HEXA: variants seen among roughly 807,000 people sequenced by gnomAD.
HEXA encodes beta-hexosaminidase subunit alpha.
A neutral mutation model predicts 73.3 loss-of-function variants in HEXA; 54 were observed. The ratio of observed to expected loss-of-function variants is 0.74; its 90% CI spans 0.59 to 0.92. The LOEUF is 0.92. Among genes scored for constraint, HEXA ranks in the 40% least tolerant of loss-of-function variants. The pLI, the probability that HEXA is intolerant of heterozygous loss-of-function variation, is 0.00. For synonymous variants in HEXA, 230 were observed against 246.9 expected (o/e 0.93, Z 0.64); for missense variants, 649 against 653.0 (o/e 0.99, Z 0.07).
intron 1 of HEXA, among the ~76,000 whole-genome samples, chr15:72,361,228 C>T (rs2088849516): frequency 6.6e-6 from 1 of 152,230 alleles, no homozygotes; most frequent in East Asian, 1.9e-4. Context: ...TCTGGGACCT[C>T]TTGACAGCAT....
intron 1 of HEXA, chr15:72,358,271 A>G (rs148336508): frequency 6.6e-6 from 1 of 152,316 alleles, no homozygotes; most frequent in East Asian, 1.9e-4. Flanking sequence ...CCAGGCAGCC[A>G]TCCAAAAGAC....
At chr15:72,373,892 G>C (rs183301084) in intron 1 of HEXA, among the ~76,000 whole-genome samples, 1 of 151,994 alleles carries the variant, frequency 6.6e-6, no homozygotes, top group East Asian at 1.9e-4. Flanking sequence ...CCACCTACTC[G>C]GGAGGCTGAG....
intron 1 of HEXA, among the ~76,000 whole-genome samples, chr15:72,375,062 TTTTTG>T (rs199673103): frequency 6.7e-6 from 1 of 148,190 alleles, no homozygotes; most frequent in Non-Finnish European, 1.5e-5. Flanking sequence ...ATTTACACTT[TTTTTG>T]TTTTGTTTTG....
chr15:72,340,966 A>G lies in HEXA; in HGVS notation c.*3111T>C, dbSNP rs1419260426. On this transcript the variant is annotated 3_prime_UTR_variant, in exon 14 of 14. Coordinates refer to ENST00000268097, the MANE Select transcript of HEXA (RefSeq NM_000520.6). Reference sequence around the variant, plus strand: ...TATTTCAAAGTTTATTTATAAAGGAAATACAAATTTTGATAAACAAAGCAC... The same window carrying G: ...TATTTCAAAGTTTATTTATAAAGGAGATACAAATTTTGATAAACAAAGCAC... The G allele has an allele frequency of 1.3e-5, 2 of 152,094 alleles. No homozygotes were observed. The highest frequency in any genetic ancestry group is 2.9e-5 in the Non-Finnish European group (2 of 68,018). The allele number at this position is 152,094 out of a possible 1,614,324, so 9.4% of individuals were successfully genotyped here. A position where few individuals can be genotyped will look rare whatever the true frequency, so the allele number is the denominator to read the frequency against.
chr15:72,351,574 T>G, intron 5 of HEXA: 3 of 391,932 alleles, frequency 7.7e-6, no homozygotes, highest in Admixed American at 3.8e-5. Flanking sequence ...AGATCAATAC[T>G]TCCTCTTGCC....
chr15:72,343,967 G>A lies in HEXA; in HGVS notation c.*110C>T, dbSNP rs1418617610. The A allele has an allele frequency of 1.0e-5, 9 of 869,108 alleles. No homozygotes were observed. Among genetic ancestry groups the A allele is most frequent in the African/African-American group, 9.9e-5 (6 of 60,358 alleles). 53.8% of individuals were successfully genotyped at this position (869,108 alleles called of 1,614,324 possible). A position where few individuals can be genotyped will look rare whatever the true frequency, so the allele number is the denominator to read the frequency against. ...CCTTTCTCTCCAAGCACAGGGGCAC[G>A]CAGGCAAGGGGCACGAAGGCAAGGG... On this transcript the variant is annotated 3_prime_UTR_variant, in exon 14 of 14. Transcript: ENST00000268097.
intron 13 of HEXA, among the ~76,000 whole-genome samples, chr15:72,344,433 C>A (rs903419002): frequency 6.6e-5 from 10 of 152,110 alleles, no homozygotes; most frequent in African/African-American, 2.2e-4. Flanking sequence ...GTACCCTAAC[C>A]CCAAATAACT....
At chr15:72,364,616 A>G (rs924528777) in intron 1 of HEXA, among the ~76,000 whole-genome samples, 1 of 152,148 alleles carries the variant, frequency 6.6e-6, no homozygotes, top group African/African-American at 2.4e-5. Context: ...ACAGGTAAGA[A>G]AAGTTTTGGT....
chr15:72,350,643 T>C lies in HEXA; in HGVS notation c.680A>G (p.Tyr227Cys). The C allele has an allele frequency of 6.2e-7, 1 of 1,613,972 alleles. No homozygotes were observed. Among genetic ancestry groups the C allele is most frequent in the Admixed American group, 1.7e-5 (1 of 59,996 alleles). The change falls in exon 7 of 14, where the codon TAC becomes TGC. Residue 227 changes from tyrosine (Y) to cysteine (C), a missense_variant. Tyr to Cys is a radical substitution (Grantham distance 194). Transcript: ENST00000268097. ...TGTGTAGATGTGGGTGACAGGGTTG[T>C]AGGACCCCTGAAAGGCACAAGACAC... is the stretch of plus-strand genomic sequence containing the variant. ...TFPELMRKGS[Y>C]NPVTHIYTAQ...
chr15:72,368,652 G>C (rs920188067), intron 1 of HEXA, among the ~76,000 whole-genome samples: 3 of 152,214 alleles, frequency 2.0e-5, no homozygotes, highest in African/African-American at 7.2e-5. Context: ...CCACACTCTA[G>C]GAGCAGCTTC....
rs1555475519 is a variant in HEXA, at chr15:72,375,901, C to T, written c.72G>A (p.Trp24Ter). ...AGGTTTGGAAGTTCTGAGGCCAGGG[C>T]CAGAGGGCCGTCGCCCGTCCTGCGA... ...AAFAGRATAL[W>*]PWPQNFQTSD... is the part of the protein sequence containing the mutation. Residue 24 changes from tryptophan (W) to a stop codon, truncating the protein, a stop_gained, in exon 1 of 14, where the codon TGG becomes TGA. Coordinates refer to ENST00000268097, the MANE Select transcript of HEXA (RefSeq NM_000520.6). LOFTEE classifies it high-confidence loss of function. 6.2e-7 allele frequency: 1 copy of T among 1,614,096 alleles called. No individual in the cohort carries two copies. Among genetic ancestry groups the T allele is most frequent in the African/African-American group, 1.3e-5 (1 of 74,948 alleles).
At chr15:72,354,752 G>C (rs1480194367) in intron 3 of HEXA, 1 of 152,334 alleles carries the variant, frequency 6.6e-6, no homozygotes, top group Non-Finnish European at 1.5e-5. Context: ...AATTCCGAGA[G>C]AGTTTCCCAC....
At chr15:72,360,620 T>C (rs2088840790) in intron 1 of HEXA, among the ~76,000 whole-genome samples, 1 of 152,234 alleles carries the variant, frequency 6.6e-6, no homozygotes, top group Non-Finnish European at 1.5e-5. Context: ...ATTAAAATGT[T>C]TGCAATCTTC....
At position 72,345,449 on chromosome 15, in the gene HEXA, A is replaced by C; in HGVS notation, c.1523T>G (p.Leu508Arg). The C allele has an allele frequency of 6.2e-7, 1 of 1,614,184 alleles. No homozygotes were observed. The highest frequency in any genetic ancestry group is 1.1e-5 in the South Asian group (1 of 91,088). The stretch of plus-strand genomic sequence containing the variant: ...GAAGGCCCCACAGCTTGCTTACCTC[A>C]GCAATTCACAGCGGAAGTGTGACAA... Reference protein sequence around the residue: ...ERLSHFRCELLRRGVQAQPLN... With the variant: ...ERLSHFRCELRRRGVQAQPLN... The change falls in exon 13 of 14, where the codon CTG becomes CGG. Residue 508 changes from leucine (L) to arginine (R), a missense_variant. Leu to Arg is a moderately radical substitution (Grantham distance 102). Coordinates refer to ENST00000268097, the MANE Select transcript of HEXA (RefSeq NM_000520.6).
At chr15:72,362,808 C>A (rs1385472722) in intron 1 of HEXA, among the ~76,000 whole-genome samples, 1 of 152,160 alleles carries the variant, frequency 6.6e-6, no homozygotes, top group African/African-American at 2.4e-5. Flanking sequence ...TGCACAATAG[C>A]CTTTCCCTCT....
intron 3 of HEXA, chr15:72,354,715 A>G (rs1040912693): frequency 1.3e-5 from 2 of 152,420 alleles, no homozygotes; most frequent in African/African-American, 2.4e-5. Flanking sequence ...GAGCAAGGGA[A>G]TGAAGACAAA....
rs891322661 is a variant in HEXA at position 72,375,979 on chromosome 15, C to T, written c.-7G>A. The T allele has an allele frequency of 6.2e-7, 1 of 1,612,906 alleles. No individual in the cohort carries two copies. Among genetic ancestry groups the T allele is most frequent in the Non-Finnish European group, 8.5e-7 (1 of 1,180,010 alleles). On this transcript the variant is annotated 5_prime_UTR_variant, in exon 1 of 14. Coordinates refer to ENST00000268097, the MANE Select transcript of HEXA (RefSeq NM_000520.6). ...AAAGCCTGGAGCTTGTCATGGCCCG[C>T]TGGTCTCCCCTCTCGGAGGGGGCTG...
At chr15:72,349,365 T>C (rs994946679) in intron 7 of HEXA, 106 bp from the exon 8 acceptor site, 5 of 886,480 alleles carry the variant, frequency 5.6e-6, no homozygotes, top group Middle Eastern at 3.2e-4. Flanking sequence ...AGTGTATTCA[T>C]AAACATCACA....
chr15:72,347,627 C>G (rs2088633467), intron 10 of HEXA, 59 bp downstream of exon 10: 19 of 1,342,168 alleles, frequency 1.4e-5, no homozygotes, highest in Non-Finnish European at 1.8e-5. Context: ...CAGGGAGGAG[C>G]TGGGGAGACC....
Sources: allele counts gnomAD v4.1 joint callset (sites outside exome capture counted in the v4.1 genomes callset), GRCh38; gene constraint gnomAD v4.1.1; transcripts MANE v1.5; gene names NCBI Gene and HGNC (gene_info 2026-07-23, HGNC 2026-07-21).